The following RANBP17 variants were observed in gnomAD, a reference collection of about 807,000 sequenced individuals.
RANBP17 encodes RAN binding protein 17.
In RANBP17, 158 loss-of-function variants were observed where a neutral mutation model predicts 141.2. That is an observed-to-expected ratio of 1.12 (90% CI 0.98 to 1.28). The LOEUF (loss-of-function observed/expected upper bound fraction) is 1.28. Ranked by LOEUF, RANBP17 falls within the 50% of genes most tolerant of loss-of-function variation. The probability of loss-of-function intolerance (pLI) is 0.00; values close to 1 mark genes in which losing one functional copy is unlikely to be tolerated. For synonymous variants in RANBP17, 430 were observed against 450.0 expected (o/e 0.96, Z 0.56); for missense variants, 1,438 against 1,290.7 (o/e 1.11, Z -1.75).
intron 16 of RANBP17, among the ~76,000 whole-genome samples, chr5:171,174,459 G>C (rs2127893752): frequency 6.6e-6 from 1 of 152,180 alleles, no homozygotes; most frequent in African/African-American, 2.4e-5. Context: ...AGAGAATAAG[G>C]GTCATACAGA....
At chr5:171,221,731 T>C (rs775204430) in intron 21 of RANBP17, 27 bp from the exon 22 acceptor site, 22 of 1,389,292 alleles carry the variant, frequency 1.6e-5, no homozygotes, top group Non-Finnish European at 2.2e-5. Flanking sequence ...TCTTCACATA[T>C]AGGCAATTTT....
At chr5:171,009,964 A>G (rs1021461658) in intron 14 of RANBP17, among the ~76,000 whole-genome samples, 9 of 152,160 alleles carry the variant, frequency 5.9e-5, no homozygotes, top group Non-Finnish European at 7.3e-5. Context: ...AAGTTTATGC[A>G]GTATATGGGA....
chr5:171,083,876 A>G (rs908342393), intron 14 of RANBP17, among the ~76,000 whole-genome samples: 5 of 151,876 alleles, frequency 3.3e-5, no homozygotes, highest in African/African-American at 9.7e-5. Flanking sequence ...ACCTTTTGCC[A>G]TGATCGTAAG....
At chr5:171,103,301 G>A (rs1787305908) in intron 14 of RANBP17, among the ~76,000 whole-genome samples, 1 of 152,212 alleles carries the variant, frequency 6.6e-6, no homozygotes, top group Non-Finnish European at 1.5e-5. Flanking sequence ...GCCCTGCCCA[G>A]AGAGGAGGAA....
intron 14 of RANBP17, among the ~76,000 whole-genome samples, chr5:171,062,384 G>C (rs567409550): frequency 6.6e-6 from 1 of 152,252 alleles, no homozygotes; most frequent in East Asian, 1.9e-4. Context: ...GCATTTGCTT[G>C]TCTGTAAAGT....
chr5:170,896,152 T>A (rs764303157), intron 5 of RANBP17, 37 bp downstream of exon 5: 6 of 1,407,792 alleles, frequency 4.3e-6, no homozygotes, highest in Admixed American at 1.9e-5. Flanking sequence ...AGCCTGAGTT[T>A]GCTTAAGTAA....
At chr5:171,203,655 G>T (rs566067289) in intron 19 of RANBP17, among the ~76,000 whole-genome samples, 1 of 151,660 alleles carries the variant, frequency 6.6e-6, no homozygotes, top group African/African-American at 2.4e-5. Context: ...ATTTGATATC[G>T]TTTAAGGAAT....
intron 5 of RANBP17, among the ~76,000 whole-genome samples, chr5:170,908,831 A>G (rs548395457): frequency 3.9e-5 from 6 of 152,016 alleles, no homozygotes; most frequent in Admixed American, 3.9e-4. Context: ...AGTATCACAT[A>G]ATCAATTTTA....
chr5:170,995,561 G>C (rs1018796510), intron 14 of RANBP17, among the ~76,000 whole-genome samples: 1 of 152,020 alleles, frequency 6.6e-6, no homozygotes, highest in Non-Finnish European at 1.5e-5. Flanking sequence ...TGTATACCAA[G>C]GTATTAATCC....
chr5:171,193,409 T>A (rs1192939450), intron 18 of RANBP17, among the ~76,000 whole-genome samples: 2 of 151,966 alleles, frequency 1.3e-5, no homozygotes, highest in Non-Finnish European at 2.9e-5. Context: ...TTAGATGCCA[T>A]GTGCCCCAGG....
intron 24 of RANBP17, among the ~76,000 whole-genome samples, chr5:171,244,496 G>A (rs1054510236): frequency 6.6e-6 from 1 of 151,880 alleles, no homozygotes; most frequent in Non-Finnish European, 1.5e-5. Context: ...GCCCAGGCTG[G>A]AGTGCAGTGA....
chr5:171,217,776 A>G (rs1414320831), intron 21 of RANBP17, among the ~76,000 whole-genome samples: 1 of 151,582 alleles, frequency 6.6e-6, no homozygotes, highest in African/African-American at 2.4e-5. Flanking sequence ...TATTGCATCT[A>G]TTTGATTCTT....
intron 7 of RANBP17, among the ~76,000 whole-genome samples, chr5:170,913,121 T>A (rs897392434): frequency 8.6e-5 from 13 of 151,908 alleles, no homozygotes; most frequent in African/African-American, 2.9e-4. Context: ...AAATCTAAGA[T>A]AGAATAAAGA....
chr5:170,927,506 T>C (rs1338942764), intron 12 of RANBP17, among the ~76,000 whole-genome samples: 1 of 152,078 alleles, frequency 6.6e-6, no homozygotes, highest in Non-Finnish European at 1.5e-5. Context: ...ATAAGAGCCA[T>C]TTGGCCTTTT....
chr5:171,228,328 G>A (rs1763999840), intron 22 of RANBP17, among the ~76,000 whole-genome samples: 1 of 152,154 alleles, frequency 6.6e-6, no homozygotes, highest in South Asian at 2.1e-4. Flanking sequence ...AAGACTTCAG[G>A]GGAGAAATTA....
At chr5:170,967,815 T>C (rs1364844044) in intron 13 of RANBP17, among the ~76,000 whole-genome samples, 1 of 151,678 alleles carries the variant, frequency 6.6e-6, no homozygotes, top group Admixed American at 6.6e-5. Context: ...CCTCAAAATA[T>C]TTAATTATTT....
At chr5:170,874,556 A>G (rs1768009023) in intron 1 of RANBP17, among the ~76,000 whole-genome samples, 1 of 151,846 alleles carries the variant, frequency 6.6e-6, no homozygotes, top group African/African-American at 2.4e-5. Context: ...ATTATGTTGA[A>G]TTGTTCCCTT....
chr5:170,943,237 A>G (rs1188980828), intron 12 of RANBP17, among the ~76,000 whole-genome samples: 1 of 152,290 alleles, frequency 6.6e-6, no homozygotes, highest in East Asian at 1.9e-4. Context: ...TTGAACAAAG[A>G]AAATTATATG....
chr5:171,084,039 C>A (rs1370052099), intron 14 of RANBP17, among the ~76,000 whole-genome samples: 1 of 149,410 alleles, frequency 6.7e-6, no homozygotes, highest in Admixed American at 6.7e-5. Flanking sequence ...TATACATGTG[C>A]CATGCTGGTG....
Sources: gnomAD v4.1 joint callset for allele counts (sites outside exome capture counted in the v4.1 genomes callset) on GRCh38, gnomAD v4.1.1 for gene constraint, MANE v1.5 for transcripts, NCBI Gene and HGNC (gene_info 2026-07-23, HGNC 2026-07-21) for gene names.